The following SMOC2 variants were observed in gnomAD, a reference collection of about 807,000 sequenced individuals.
The protein encoded by SMOC2 is SPARC-related modular calcium-binding protein 2.
SMOC2 carries 39 observed loss-of-function variants against 61.4 expected under a neutral mutation model. That is an observed-to-expected ratio of 0.64 (90% confidence interval 0.49 to 0.83). The LOEUF (loss-of-function observed/expected upper bound fraction) is 0.83. Among genes scored for constraint, SMOC2 ranks in the 40% least tolerant of loss-of-function variants. The pLI, the probability that SMOC2 is intolerant of heterozygous loss-of-function variation, is 0.00. For missense variants in SMOC2, 556 were observed against 592.9 expected (o/e 0.94, Z 0.65); for synonymous variants, 247 against 239.9 (o/e 1.03, Z -0.27).
At chr6:168,599,133 C>CA (rs1295409541) in intron 8 of SMOC2, 129 bp downstream of exon 8, 2 of 826,038 alleles carry the variant, frequency 2.4e-6, no homozygotes, top group Non-Finnish European at 3.7e-6. Flanking sequence ...CACTCACACA[C>CA]ACTGATACCA....
intron 7 of SMOC2, among the ~76,000 whole-genome samples, chr6:168,558,504 G>T (rs1244859717): frequency 1.3e-5 from 2 of 152,166 alleles, no homozygotes; most frequent in Non-Finnish European, 2.9e-5. Flanking sequence ...GCCTGGGCTG[G>T]TTCTCGGCCC....
chr6:168,575,669 T>C (rs1196841838), intron 7 of SMOC2, among the ~76,000 whole-genome samples: 1 of 152,100 alleles, frequency 6.6e-6, no homozygotes, highest in Non-Finnish European at 1.5e-5. Flanking sequence ...ATCCAAAAAA[T>C]AAATCATGCT....
chr6:168,636,968 C>G (rs1786754935), intron 9 of SMOC2, among the ~76,000 whole-genome samples: 1 of 133,006 alleles, frequency 7.5e-6, no homozygotes, highest in African/African-American at 3.0e-5. Context: ...CCTCCCTCCT[C>G]CCTCCTGCTT....
chr6:168,441,386 C>T lies in SMOC2; in HGVS notation c.16C>T (p.Leu6Phe), dbSNP rs1372592518. The change falls in exon 1 of 13, where the codon CTC (leucine) becomes TTC (phenylalanine). Residue 6 changes from leucine to phenylalanine, a missense_variant. Transcript: ENST00000356284. MLLPQ[L>F]CWLPLLAGLL... ...CTCCGCCACCATGCTGCTCCCCCAG[C>T]TCTGCTGGCTGCCGCTGCTCGCTGG... The T allele has an allele frequency of 1.3e-6, 2 of 1,508,146 alleles. No individual in the cohort carries two copies. Among genetic ancestry groups the T allele is most frequent in the African/African-American group, 1.5e-5 (1 of 68,896 alleles). 93.4% of individuals were successfully genotyped at this position (1,508,146 alleles called of 1,614,324 possible). A position where few individuals can be genotyped will look rare whatever the true frequency, so the allele number is the denominator to read the frequency against.
At chr6:168,445,720 G>C (rs1282764075) in intron 1 of SMOC2, among the ~76,000 whole-genome samples, 1 of 152,206 alleles carries the variant, frequency 6.6e-6, no homozygotes, top group East Asian at 1.9e-4. Context: ...GGACCACGAA[G>C]GTGGTTAAGG....
At chr6:168,648,418 A>G (rs1787102746) in intron 9 of SMOC2, among the ~76,000 whole-genome samples, 1 of 152,178 alleles carries the variant, frequency 6.6e-6, no homozygotes, top group African/African-American at 2.4e-5. Flanking sequence ...TCAGCCCTCC[A>G]AGTTGTTTTT....
chr6:168,459,866 G>A (rs954092523), intron 1 of SMOC2, among the ~76,000 whole-genome samples: 14 of 145,388 alleles, frequency 9.6e-5, no homozygotes, highest in African/African-American at 2.8e-4. Flanking sequence ...GGGTGAGCCC[G>A]GGGGTGGGTG....
At chr6:168,598,102 T>C (rs1173034528) in intron 7 of SMOC2, among the ~76,000 whole-genome samples, 1 of 152,352 alleles carries the variant, frequency 6.6e-6, no homozygotes, top group Middle Eastern at 3.4e-3. Flanking sequence ...ATACCTCTCA[T>C]TATTATTCTT....
rs73272912 is a variant in SMOC2 at position 168,481,519 on chromosome 6, T to C, written c.85-28396T>C. On this transcript the variant is annotated intron_variant, in intron 1 of 12. Coordinates refer to ENST00000356284, the MANE Select transcript of SMOC2 (RefSeq NM_001166412.2). ...AACACACAAACAGCTATAGAGTATA[T>C]ATGAAAGGAAGTGAGAAAGAAATTT... Among the ~76,000 whole-genome samples the C allele has an allele frequency of 4.2e-3, 634 of 151,986 alleles. 6 individuals are homozygous for C. Among genetic ancestry groups the C allele is most frequent in the African/African-American group, 0.014 (595 of 41,512 alleles).
chr6:168,573,736 C>T (rs1386153356), intron 7 of SMOC2, among the ~76,000 whole-genome samples: 1 of 152,208 alleles, frequency 6.6e-6, no homozygotes, highest in African/African-American at 2.4e-5. Flanking sequence ...GACCCCGCCT[C>T]CCCACCCTGC....
intron 9 of SMOC2, among the ~76,000 whole-genome samples, chr6:168,625,643 C>G (rs989680669): frequency 7.2e-5 from 11 of 152,248 alleles, no homozygotes; most frequent in African/African-American, 2.7e-4. Flanking sequence ...TCTCAGAAAG[C>G]CTAATTTTTC....
chr6:168,570,990 C>A (rs1174911788), intron 7 of SMOC2, among the ~76,000 whole-genome samples: 1 of 152,142 alleles, frequency 6.6e-6, no homozygotes, highest in African/African-American at 2.4e-5. Context: ...GCGTAGCTGT[C>A]TGAGCAGTGC....
chr6:168,629,447 G>A (rs2115245288), intron 9 of SMOC2, among the ~76,000 whole-genome samples: 1 of 152,364 alleles, frequency 6.6e-6, no homozygotes, highest in South Asian at 2.1e-4. Context: ...GTCGCCACAG[G>A]ACAGGCTGAT....
intron 7 of SMOC2, among the ~76,000 whole-genome samples, chr6:168,574,870 G>A (rs932935125): frequency 6.6e-6 from 1 of 152,302 alleles, no homozygotes; most frequent in East Asian, 1.9e-4. Flanking sequence ...GCCGGCCACC[G>A]CCCTTTGCAT....
chr6:168,476,249 C>A (rs1311326660), intron 1 of SMOC2, among the ~76,000 whole-genome samples: 6 of 152,028 alleles, frequency 3.9e-5, no homozygotes, highest in Non-Finnish European at 2.9e-5. Context: ...TTTTGACCCA[C>A]AATTTTCGTG....
chr6:168,586,077 C>T (rs1372855025), intron 7 of SMOC2, among the ~76,000 whole-genome samples: 1 of 152,120 alleles, frequency 6.6e-6, no homozygotes, highest in Non-Finnish European at 1.5e-5. Flanking sequence ...CCCAATATCT[C>T]AATAATAGTC....
Position 168,608,086 on chromosome 6 carries a change from G to C in SMOC2, c.825-71G>C. The C allele has an allele frequency of 2.8e-6, 4 of 1,438,780 alleles. No individual in the cohort carries two copies. The South Asian group carries it at 3.7e-5, about 13-fold the overall frequency. 89.1% of individuals were successfully genotyped at this position (1,438,780 alleles called of 1,614,324 possible). A position where few individuals can be genotyped will look rare whatever the true frequency, so the allele number is the denominator to read the frequency against. ...GCTAGGGTAGGACACTCCAGAAATGGAAGACAAACCACAGCTGGTCTCAAG... is the reference window on the plus strand; with the variant it reads ...GCTAGGGTAGGACACTCCAGAAATGCAAGACAAACCACAGCTGGTCTCAAG... On this transcript the variant is annotated intron_variant, in intron 8 of 12. Transcript: ENST00000356284.
At chr6:168,650,299 C>T (rs1192832337) in intron 9 of SMOC2, among the ~76,000 whole-genome samples, 1 of 152,074 alleles carries the variant, frequency 6.6e-6, no homozygotes, top group African/African-American at 2.4e-5. Context: ...GCCCTGGCCT[C>T]GATTGCTGGG....
At chr6:168,541,197 A>G (rs938381709) in intron 4 of SMOC2, among the ~76,000 whole-genome samples, 9 of 152,182 alleles carry the variant, frequency 5.9e-5, no homozygotes, top group Non-Finnish European at 1.3e-4. Flanking sequence ...TAGCATTTAG[A>G]TGGAATGGGA....
Sources: gnomAD v4.1 joint callset for allele counts (sites outside exome capture counted in the v4.1 genomes callset) on GRCh38, gnomAD v4.1.1 for gene constraint, MANE v1.5 for transcripts, NCBI Gene and HGNC (gene_info 2026-07-23, HGNC 2026-07-21) for gene names.